Variants in IQCE observed in about 807,000 individuals in gnomAD.
The protein encoded by IQCE is IQ domain-containing protein E.
IQCE carries 115 observed loss-of-function variants against 96.0 expected under a neutral mutation model. The observed-to-expected ratio is 1.20, with a 90% confidence interval of 1.03 to 1.40. The LOEUF is 1.40. IQCE is among the 40% of genes most tolerant of loss of function. IQCE has a pLI of 0.00. For missense variants in IQCE, 1,041 were observed against 909.1 expected (o/e 1.15, Z -1.87); for synonymous variants, 412 against 371.2 (o/e 1.11, Z -1.26).
Position 2,586,331 on chromosome 7 carries a change from C to CCG in IQCE, c.951_952dup (p.Val318AlafsTer3). On this transcript the variant is annotated frameshift_variant, in exon 12 of 22. Transcript: ENST00000402050. LOFTEE classifies it high-confidence loss of function. ...ACCAGAGCCTGAAGGAGGACCTGGA[C>CCG]CGCGTGCTGAGCACCTCCCCAACCA... 1 of 1,613,742 alleles carries CCG rather than the reference C, an allele frequency of 6.2e-7. No homozygotes were observed. The highest frequency in any genetic ancestry group is 8.5e-7 in the Non-Finnish European group (1 of 1,179,906).
chr7:2,601,303 A>G, intron 17 of IQCE, 138 bp from the exon 18 acceptor site: 4 of 668,776 alleles, frequency 6.0e-6, no homozygotes, highest in Non-Finnish European at 1.1e-5. Context: ...GGGTCCCGGC[A>G]GCTCGGGAGG....
At chr7:2,571,194 T>C (rs141829630) in intron 3 of IQCE, among the ~76,000 whole-genome samples, 1,561 of 152,130 alleles carry the variant, frequency 0.01, 20 homozygotes, top group African/African-American at 0.036. Context: ...AATTTTTAGA[T>C]TTTTTATAGA....
chr7:2,595,552 G>A (rs894131076), intron 16 of IQCE, among the ~76,000 whole-genome samples: 6 of 152,234 alleles, frequency 3.9e-5, no homozygotes, highest in Non-Finnish European at 7.3e-5. Flanking sequence ...CTCAGCGTGT[G>A]TGGACGCTAC....
chr7:2,608,335 C>A (rs965216495), intron 21 of IQCE, among the ~76,000 whole-genome samples: 1 of 152,240 alleles, frequency 6.6e-6, no homozygotes, highest in Non-Finnish European at 1.5e-5. Flanking sequence ...AGAGCCTTCC[C>A]TCCCCAGGGG....
chr7:2,581,193 T>A (rs940196404), intron 8 of IQCE, among the ~76,000 whole-genome samples: 3 of 152,078 alleles, frequency 2.0e-5, no homozygotes, highest in African/African-American at 7.2e-5. Context: ...ATGACTAACA[T>A]AATTTATTTG....
At chr7:2,577,308 TGGG>T (rs1316476881) in intron 6 of IQCE, among the ~76,000 whole-genome samples, 1 of 114,146 alleles carries the variant, frequency 8.8e-6, no homozygotes, top group Non-Finnish European at 1.9e-5. Context: ...GCTGTGCCCG[TGGG>T]GATGTGTGTG....
At chr7:2,572,824 A>G (rs1781857471) in intron 5 of IQCE, 1 of 442,612 alleles carries the variant, frequency 2.3e-6, no homozygotes, top group South Asian at 1.6e-5. Flanking sequence ...GATTACAGGC[A>G]TGAGCCACCG....
At position 2,609,969 on chromosome 7, in the gene IQCE, A is replaced by G. The variant is rs1025298520; in HGVS notation, c.1970-75A>G. 7.7e-6 allele frequency: 6 copies of G among 779,934 alleles called. No individual in the cohort carries two copies. The Admixed American group carries it at 8.4e-5, about 11-fold the overall frequency. 48.3% of individuals were successfully genotyped at this position (779,934 alleles called of 1,614,324 possible). Reference sequence around the variant, plus strand: ...TCTTGCCTGCCGGGGAAGAGCAGACAGTGTAAGGGTGTCCGTGGTGGCAGC... The same window carrying G: ...TCTTGCCTGCCGGGGAAGAGCAGACGGTGTAAGGGTGTCCGTGGTGGCAGC... On this transcript the variant is annotated intron_variant, in intron 21 of 21. Transcript: ENST00000402050.
At chr7:2,562,841 T>A (rs1010705254) in intron 1 of IQCE, among the ~76,000 whole-genome samples, 1 of 151,734 alleles carries the variant, frequency 6.6e-6, no homozygotes, top group African/African-American at 2.4e-5. Context: ...ATTATTGCCT[T>A]GAGATCTTTC....
At chr7:2,573,230 T>C (rs968296543) in intron 5 of IQCE, among the ~76,000 whole-genome samples, 188 bp from the exon 6 acceptor site, 3 of 152,242 alleles carry the variant, frequency 2.0e-5, no homozygotes, top group Non-Finnish European at 4.4e-5. Flanking sequence ...TCTACCATTT[T>C]TGCTTTTCTT....
Position 2,612,471 on chromosome 7 carries a change from C to T in IQCE, c.*2309C>T, listed in dbSNP as rs1274688250. ...TGCCCACGGCCCCAGGGCCTGGGGG[C>T]CAGGGGTTCTGGCCCTGCGGGGACT... On this transcript the variant is annotated 3_prime_UTR_variant, in exon 22 of 22. Coordinates refer to ENST00000402050, the MANE Select transcript of IQCE (RefSeq NM_152558.5). 6.6e-6 allele frequency: 1 copy of T among 151,998 alleles called. No homozygotes were observed. The highest frequency in any genetic ancestry group is 1.5e-5 in the Non-Finnish European group (1 of 68,076). The allele number at this position is 151,998 out of a possible 1,614,324, so 9.4% of individuals were successfully genotyped here.
rs372299983 is a variant in IQCE, at chr7:2,578,236, C to T, written c.466-6C>T. 7.5e-4 allele frequency: 1,215 copies of T among 1,609,578 alleles called. 2 individuals are homozygous for T. The highest frequency in any genetic ancestry group is 9.7e-4 in the Non-Finnish European group (1,143 of 1,176,542). On this transcript the variant is annotated splice_region_variant and splice_polypyrimidine_tract_variant and intron_variant, in intron 6 of 21. Coordinates refer to ENST00000402050, the MANE Select transcript of IQCE (RefSeq NM_152558.5). ...GATGGCTGTGCATGGCCCTTGTTTT[C>T]TTCAGTCATTGCACGTGCAGAAGAG... is the stretch of plus-strand genomic sequence containing the variant.
At chr7:2,587,673 C>G in intron 12 of IQCE, 149 bp from the exon 13 acceptor site, 1 of 749,352 alleles carries the variant, frequency 1.3e-6, no homozygotes, top group Non-Finnish European at 2.3e-6. Flanking sequence ...TGGCAAAATT[C>G]TCTGGTAGCC....
rs936404516 is a variant in IQCE at position 2,610,916 on chromosome 7, G to A, written c.*754G>A. ...CACTTGCTTCTGAGAACAGCAGGGT[G>A]ATGTCTGTTCCCAAGCTGGTGGCGG... On this transcript the variant is annotated 3_prime_UTR_variant, in exon 22 of 22. Coordinates refer to ENST00000402050, the MANE Select transcript of IQCE (RefSeq NM_152558.5). 1 of 152,438 alleles carries A rather than the reference G, an allele frequency of 6.6e-6. No homozygotes were observed. Among genetic ancestry groups the A allele is most frequent in the African/African-American group, 2.4e-5 (1 of 41,458 alleles). The allele number at this position is 152,438 out of a possible 1,614,324, so 9.4% of individuals were successfully genotyped here. A position where few individuals can be genotyped will look rare whatever the true frequency, so the allele number is the denominator to read the frequency against.
Position 2,573,453 on chromosome 7 carries a change from G to C in IQCE, c.430G>C (p.Glu144Gln), listed in dbSNP as rs1781902199. 1 of 1,547,852 alleles carries C rather than the reference G, an allele frequency of 6.5e-7. No individual in the cohort carries two copies. ...VPGTPVYREK[E>Q]DMYDEIIELK... ...TGGGACTCCTGTCTACAGAGAAAAA[G>C]AAGATATGTATGACGAGATTATTGA... Residue 144 changes from glutamate to glutamine, a missense_variant, in exon 6 of 22, where the codon GAA becomes CAA. Physicochemically the swap from Glu to Gln is conservative, Grantham distance 29 (BLOSUM62 2). Coordinates refer to ENST00000402050, the MANE Select transcript of IQCE (RefSeq NM_152558.5).
At chr7:2,567,312 G>A in intron 2 of IQCE, 149 bp downstream of exon 2, 1 of 688,768 alleles carries the variant, frequency 1.5e-6, no homozygotes, top group South Asian at 1.6e-5. Flanking sequence ...TGTTTGAAAA[G>A]TTTCCAGCCC....
At chr7:2,582,067 C>A (rs753828307) in intron 8 of IQCE, 4 of 469,024 alleles carry the variant, frequency 8.5e-6, no homozygotes, top group Non-Finnish European at 1.8e-5. Flanking sequence ...AAGACATTCA[C>A]AGAAAAGGAG....
intron 15 of IQCE, 31 bp from the exon 16 acceptor site, chr7:2,594,855 A>G: frequency 7.5e-7 from 1 of 1,338,936 alleles, no homozygotes; most frequent in Non-Finnish European, 1.1e-6. Context: ...GTGACAGGTG[A>G]GGTGTCTCAT....
chr7:2,572,446 C>G (rs912706585), intron 5 of IQCE, 120 bp downstream of exon 5: 2 of 1,138,452 alleles, frequency 1.8e-6, no homozygotes, highest in South Asian at 3.2e-5. Context: ...TGAGCTCCGT[C>G]ACTGGGAGGT....
Sources: allele counts gnomAD v4.1 joint callset (sites outside exome capture counted in the v4.1 genomes callset), GRCh38; gene constraint gnomAD v4.1.1; transcripts MANE v1.5; gene names NCBI Gene and HGNC (gene_info 2026-07-23, HGNC 2026-07-21).